The following URGCP variants were observed in gnomAD, a reference collection of about 807,000 sequenced individuals.
The protein encoded by URGCP is upregulator of cell proliferation.
URGCP carries 13 observed loss-of-function variants against 24.6 expected under a neutral mutation model. The observed-to-expected ratio is 0.53, with a 90% CI of 0.34 to 0.84. URGCP has a LOEUF of 0.84. Ranked by LOEUF, URGCP falls within the 40% of genes least tolerant of loss-of-function variation. URGCP has a pLI of 0.01. For missense variants in URGCP, 899 were observed against 1,194.3 expected, an observed-to-expected ratio of 0.75 and a Z score of 3.64; for synonymous variants, 444 against 487.2, an observed-to-expected ratio of 0.91 and a Z score of 1.17.
chr7:43,899,569 T>C (rs182248827), intron 1 of URGCP, among the ~76,000 whole-genome samples: 58 of 152,054 alleles, frequency 3.8e-4, no homozygotes, highest in African/African-American at 1.3e-3. Context: ...TTCCAGAAAA[T>C]AGAACATAAT....
At chr7:43,904,118 T>G (rs11768707) in intron 1 of URGCP, among the ~76,000 whole-genome samples, 22,866 of 152,226 alleles carry the variant, frequency 0.15, 1,851 homozygotes, top group Admixed American at 0.19. Flanking sequence ...TGCAAATAGT[T>G]TCATTTACCT....
At chr7:43,900,275 T>C (rs1386315132) in intron 1 of URGCP, among the ~76,000 whole-genome samples, 1 of 151,170 alleles carries the variant, frequency 6.6e-6, no homozygotes. Flanking sequence ...GGCAACATTG[T>C]GAAACCCCAT....
chr7:43,889,343 C>G (rs951903909), intron 1 of URGCP: 3 of 152,156 alleles, frequency 2.0e-5, no homozygotes, highest in African/African-American at 7.2e-5. Flanking sequence ...CCACTGTACC[C>G]TATAGCCAGT....
chr7:43,926,669 C>A, upstream of URGCP: 2 of 1,189,010 alleles, frequency 1.7e-6, no homozygotes, highest in South Asian at 1.6e-5. Context: ...CGCGGATACA[C>A]CTGCCTGGGA....
At chr7:43,899,070 G>A (rs944815628) in intron 1 of URGCP, among the ~76,000 whole-genome samples, 1 of 149,580 alleles carries the variant, frequency 6.7e-6, no homozygotes, top group Non-Finnish European at 1.5e-5. Context: ...GGAGGCGGAG[G>A]TTGCAGTGAG....
At chr7:43,922,047 C>T (rs1425922750) in intron 1 of URGCP, among the ~76,000 whole-genome samples, 2 of 151,770 alleles carry the variant, frequency 1.3e-5, no homozygotes, top group Middle Eastern at 3.2e-3. Flanking sequence ...TGCAGGCCAC[C>T]ATGCCCAGCT....
At chr7:43,909,595 G>A (rs1276175929), upstream of URGCP, among the ~76,000 whole-genome samples, 2 of 151,798 alleles carry the variant, frequency 1.3e-5, no homozygotes, top group Non-Finnish European at 2.9e-5. Context: ...GTGTGGTGGC[G>A]TGTGCCTGTA....
intron 1 of URGCP, among the ~76,000 whole-genome samples, chr7:43,897,778 A>AAGGCTCAGACCTGGGCAAT (rs950472002): frequency 1.3e-5 from 2 of 152,066 alleles, no homozygotes; most frequent in Non-Finnish European, 2.9e-5. Context: ...AACAACAACA[A>AAGGCTCAGACCTGGGCAAT]AGGCTCAGAC....
At chr7:43,882,304 G>A (rs1181150664) in intron 3 of URGCP, among the ~76,000 whole-genome samples, 5 of 152,276 alleles carry the variant, frequency 3.3e-5, no homozygotes, top group South Asian at 2.1e-4. Flanking sequence ...TTAGCTGGGC[G>A]TGGTGGCGCA....
intron 1 of URGCP, among the ~76,000 whole-genome samples, chr7:43,924,242 T>C (rs889834595): frequency 2.0e-5 from 3 of 152,162 alleles, no homozygotes; most frequent in African/African-American, 4.8e-5. Context: ...ACATTACATA[T>C]AAGCATGCTA....
chr7:43,892,559 TCTC>T (rs974250138), intron 1 of URGCP, among the ~76,000 whole-genome samples: 4 of 152,154 alleles, frequency 2.6e-5, no homozygotes, highest in African/African-American at 9.7e-5. Flanking sequence ...CTGGGTCTCT[TCTC>T]CACTTCTTGT....
At chr7:43,888,010 TATTA>T (rs1562577415) in intron 1 of URGCP, 194 bp from the exon 2 acceptor site, 4 of 561,048 alleles carry the variant, frequency 7.1e-6, no homozygotes, top group South Asian at 4.6e-5. Flanking sequence ...AAAGCTGTTA[TATTA>T]ATTAGTCGGG....
chr7:43,911,506 G>T (rs1185007910), upstream of URGCP, among the ~76,000 whole-genome samples: 3 of 152,134 alleles, frequency 2.0e-5, no homozygotes, highest in Non-Finnish European at 1.5e-5. Flanking sequence ...GACCAGCCTG[G>T]CCAACATGGT....
intron 3 of URGCP, among the ~76,000 whole-genome samples, chr7:43,883,436 G>C (rs2095857780): frequency 6.9e-6 from 1 of 145,928 alleles, no homozygotes; most frequent in African/African-American, 2.6e-5. Flanking sequence ...TCTCAGCTCA[G>C]TGCAAGCTCT....
In URGCP at chr7:43,876,958, C is replaced by T; in HGVS notation, c.2505G>A (p.Lys835=). 3 of 1,614,196 alleles carry T rather than the reference C, an allele frequency of 1.9e-6. No homozygotes were observed. Among genetic ancestry groups the T allele is most frequent in the Non-Finnish European group, 2.5e-6 (3 of 1,180,048 alleles). ...VSVPGPRPRD[K]RQLLDPPGDL... ...CACCAGGTGGATCCAGGAGCTGTCTCTTGTCTCTGGGCCTAGGGCCGGGAA... is the reference window on the plus strand; with the variant it reads ...CACCAGGTGGATCCAGGAGCTGTCTTTTGTCTCTGGGCCTAGGGCCGGGAA... Residue 835 remains lysine (K), a synonymous_variant, in exon 6 of 6, where the codon AAG becomes AAA. Transcript: ENST00000453200.
Position 43,878,887 on chromosome 7 carries a change from G to C in URGCP, c.576C>G (p.Leu192=), listed in dbSNP as rs371831968. The C allele has an allele frequency of 6.2e-6, 10 of 1,614,140 alleles. No individual in the cohort carries two copies. In the South Asian group the frequency reaches 7.7e-5, roughly 12 times the overall value. The change falls in exon 6 of 6, where the codon CTC becomes CTG. Residue 192 remains leucine, a synonymous_variant. Coordinates refer to ENST00000453200, the MANE Select transcript of URGCP (RefSeq NM_001077663.3). This position sits in a 1 kb window ranked among gnomAD's most constrained non-coding sequence, Gnocchi z 5.6. ...NPLDLLCALL[L]SSDSFLQQEI... is the part of the protein sequence containing the mutation. ...CTTGTTGCAGGAAACTGTCTGAGGA[G>C]AGCAGCAGGGCACAGAGAAGGTCTA...
intron 1 of URGCP, among the ~76,000 whole-genome samples, chr7:43,916,845 C>T (rs1011377189): frequency 6.6e-6 from 1 of 151,724 alleles, no homozygotes; most frequent in South Asian, 2.1e-4. Context: ...TCATGTACCT[C>T]GGGTATTTGC....
At chr7:43,897,115 A>C (rs1422455480) in intron 1 of URGCP, among the ~76,000 whole-genome samples, 1 of 152,134 alleles carries the variant, frequency 6.6e-6, no homozygotes. Flanking sequence ...AGGTGGGAGG[A>C]TCACTTGAGC....
At position 43,877,334 on chromosome 7, in the gene URGCP, T is replaced by C. The variant is rs1377631848; in HGVS notation, c.2129A>G (p.Asn710Ser). The change falls in exon 6 of 6, where the codon AAC (asparagine) becomes AGC (serine). Residue 710 changes from asparagine to serine, a missense_variant. Coordinates refer to ENST00000453200, the MANE Select transcript of URGCP (RefSeq NM_001077663.3). ...VPGTGKSTLLNTMFGLRFATG... is the reference protein window; with the variant it reads ...VPGTGKSTLLSTMFGLRFATG... ...GGCAAACCGCAGCCCAAACATGGTG[T>C]TGAGGAGTGTGGACTTGCCCGTGCC... 1.9e-6 allele frequency: 3 copies of C among 1,612,840 alleles called. No homozygotes were observed. The African/African-American group carries it at 4.0e-5, about 21-fold the overall frequency.
Sources: gnomAD v4.1 joint callset for allele counts (sites outside exome capture counted in the v4.1 genomes callset) on GRCh38, gnomAD v4.1.1 for gene constraint, Gnocchi (gnomAD v3.1) non-coding constraint, MANE v1.5 for transcripts, NCBI Gene and HGNC (gene_info 2026-07-23, HGNC 2026-07-21) for gene names.